CGAS: variants seen among roughly 807,000 people sequenced by gnomAD.
The protein encoded by CGAS is cyclic GMP-AMP synthase, also known as 2'3'-cGAMP synthase.
CGAS carries 31 observed loss-of-function variants against 34.0 expected under a neutral mutation model. The ratio of observed to expected loss-of-function variants is 0.91; its 90% CI spans 0.69 to 1.23. CGAS has a LOEUF of 1.23. CGAS is among the 50% of genes most tolerant of loss of function. CGAS has a pLI of 0.00. For synonymous variants in CGAS, 266 were observed against 260.0 expected (o/e 1.02, Z -0.22); for missense variants, 597 against 657.6 (o/e 0.91, Z 1.01).
chr6:73,437,450 C>T (rs934300431), intron 3 of CGAS, among the ~76,000 whole-genome samples: 2 of 151,158 alleles, frequency 1.3e-5, no homozygotes, highest in East Asian at 1.9e-4. Flanking sequence ...TTTTGGCAGG[C>T]GGGGTATAGA....
chr6:73,451,601 A>T lies in CGAS; in HGVS notation c.581T>A (p.Leu194Gln). The T allele has an allele frequency of 6.2e-7, 1 of 1,614,026 alleles. No homozygotes were observed. The highest frequency in any genetic ancestry group is 8.5e-7 in the Non-Finnish European group (1 of 1,179,978). Residue 194 changes from leucine to glutamine, a missense_variant, in exon 1 of 5, where the codon CTG becomes CAG. Leu to Gln is a moderately radical substitution (Grantham distance 113). Coordinates refer to ENST00000370315, the MANE Select transcript of CGAS (RefSeq NM_138441.3). ...GMVKGVVDHLLLRLKCDSAFR... is the reference protein window; with the variant it reads ...GMVKGVVDHLQLRLKCDSAFR... The stretch of plus-strand genomic sequence containing the variant: ...CGCGGAGTCGCACTTCAGTCTGAGC[A>T]GCAGGTGGTCCACAACCCCTTTCAC...
chr6:73,432,668 C>G (rs1386890292), intron 3 of CGAS, among the ~76,000 whole-genome samples: 1 of 151,998 alleles, frequency 6.6e-6, no homozygotes, highest in Non-Finnish European at 1.5e-5. Flanking sequence ...GTCACGTGGC[C>G]CAGGCTTGAA....
intron 3 of CGAS, among the ~76,000 whole-genome samples, chr6:73,432,047 C>T (rs927320907): frequency 6.6e-6 from 1 of 152,120 alleles, no homozygotes; most frequent in Non-Finnish European, 1.5e-5. Flanking sequence ...CCAGGCTGAT[C>T]TCAAACTCCT....
intron 3 of CGAS, among the ~76,000 whole-genome samples, chr6:73,433,263 GTT>G (rs1046347443): frequency 2.1e-5 from 3 of 143,968 alleles, no homozygotes. Flanking sequence ...TCTCTCCCAT[GTT>G]TTTTTTTTTT....
chr6:73,447,068 A>G (rs1270606167), intron 1 of CGAS, among the ~76,000 whole-genome samples: 1 of 152,222 alleles, frequency 6.6e-6, no homozygotes, highest in Admixed American at 6.5e-5. Context: ...AAAATAAATG[A>G]ATACATATTT....
Position 73,440,389 on chromosome 6 carries a change from TAAG to T in CGAS, c.931_933del (p.Leu311del). The stretch of plus-strand genomic sequence containing the variant: ...ATATCCACAGATATTTTTTCACTAA[TAAG>T]AAGTGTTACAGCAGGGCTCCCTCCT... On this transcript the variant is annotated inframe_deletion, in exon 3 of 5. Coordinates refer to ENST00000370315, the MANE Select transcript of CGAS (RefSeq NM_138441.3). The T allele has an allele frequency of 1.9e-6, 3 of 1,614,184 alleles. No individual in the cohort carries two copies. Among genetic ancestry groups the T allele is most frequent in the Non-Finnish European group, 1.7e-6 (2 of 1,180,038 alleles).
chr6:73,442,659 C>T lies in CGAS; in HGVS notation c.878-2214G>A, dbSNP rs185461895. ...TGTCGCTCAGGCTGGAGTGCAGTGG[C>T]GCAATCTCAGCTCACTGCAACCTCT... On this transcript the variant is annotated intron_variant, in intron 2 of 4. Coordinates refer to ENST00000370315, the MANE Select transcript of CGAS (RefSeq NM_138441.3). Among the ~76,000 whole-genome samples the T allele has an allele frequency of 1.9e-4, 27 of 145,394 alleles. 1 individual carries two copies. In the South Asian group the frequency reaches 3.2e-3, roughly 17 times the overall value.
intron 1 of CGAS, among the ~76,000 whole-genome samples, chr6:73,449,990 C>A (rs1391720209): frequency 6.9e-6 from 1 of 145,856 alleles, no homozygotes; most frequent in Non-Finnish European, 1.5e-5. Flanking sequence ...GAGTGAAACT[C>A]CATCAAAAAA....
At chr6:73,427,725 T>C (rs1770113803) in intron 4 of CGAS, among the ~76,000 whole-genome samples, 1 of 152,102 alleles carries the variant, frequency 6.6e-6, no homozygotes, top group South Asian at 2.1e-4. Flanking sequence ...TTCCAAGACT[T>C]TGGGAGGCCA....
At chr6:73,444,956 G>A (rs1156841430) in intron 2 of CGAS, among the ~76,000 whole-genome samples, 1 of 152,126 alleles carries the variant, frequency 6.6e-6, no homozygotes, top group Non-Finnish European at 1.5e-5. Context: ...GAGATGGGAA[G>A]GACTGAGGCA....
chr6:73,450,894 G>C (rs142724430), intron 1 of CGAS, among the ~76,000 whole-genome samples: 5,067 of 151,114 alleles, frequency 0.034, 292 homozygotes, highest in Admixed American at 0.15. Flanking sequence ...GGAAGCTGAG[G>C]CAGGAGAATG....
chr6:73,434,734 C>T (rs1036623388), intron 3 of CGAS, among the ~76,000 whole-genome samples: 2 of 151,910 alleles, frequency 1.3e-5, no homozygotes, highest in Admixed American at 6.6e-5. Flanking sequence ...TGCAACTCCA[C>T]CCACCAAGTT....
In CGAS at chr6:73,451,857, C is replaced by G; in HGVS notation, c.325G>C (p.Ala109Pro). 6.5e-7 allele frequency: 1 copy of G among 1,549,574 alleles called. No individual in the cohort carries two copies. Among genetic ancestry groups the G allele is most frequent in the Non-Finnish European group, 8.7e-7 (1 of 1,146,814 alleles). The change falls in exon 1 of 5, where the codon GCG becomes CCG. Residue 109 changes from alanine (A) to proline (P), a missense_variant. Physicochemically the swap from Ala to Pro is conservative, Grantham distance 27. Around this residue, in one of 3 missense-constraint regions of CGAS, gnomAD observed 321 missense variants for 314.3 expected, o/e 1.02. Transcript: ENST00000370315. ...APGAEGLEPP[A>P]AREPALSRAG... ...CTGGAAAGAGCCGGCTCCCGAGCCG[C>G]AGGAGGCTCCAGCCCCTCTGCCCCA...
At chr6:73,433,486 T>C (rs908473401) in intron 3 of CGAS, among the ~76,000 whole-genome samples, 1 of 146,324 alleles carries the variant, frequency 6.8e-6, no homozygotes, top group African/African-American at 2.5e-5. Flanking sequence ...TATAGAGAGT[T>C]TTTTTTTTTT....
intron 1 of CGAS, among the ~76,000 whole-genome samples, chr6:73,447,644 A>T (rs1770493175): frequency 6.6e-6 from 1 of 152,026 alleles, no homozygotes; most frequent in Non-Finnish European, 1.5e-5. Flanking sequence ...GTGGCTACTC[A>T]CAGATAGATC....
Position 73,425,251 on chromosome 6 carries a change from C to T in CGAS, c.1545G>A (p.Glu515=), listed in dbSNP as rs200618059. 105 of 1,587,396 alleles carry T rather than the reference C, an allele frequency of 6.6e-5. No individual in the cohort carries two copies. In the Middle Eastern group the frequency reaches 8.3e-4, roughly 13 times the overall value. ...TKQIEYERNN[E]FPVFDEF is the part of the protein sequence containing the mutation. Reference sequence around the variant, plus strand: ...CTCAAAATTCATCAAAAACTGGAAACTCATTGTTTCTTTCATATTCAATTT... The same window carrying T: ...CTCAAAATTCATCAAAAACTGGAAATTCATTGTTTCTTTCATATTCAATTT... The change falls in exon 5 of 5, where the codon GAG becomes GAA. Residue 515 remains glutamate, a synonymous_variant. Coordinates refer to ENST00000370315, the MANE Select transcript of CGAS (RefSeq NM_138441.3).
intron 3 of CGAS, among the ~76,000 whole-genome samples, chr6:73,439,241 C>G (rs2150813480): frequency 6.7e-6 from 1 of 149,428 alleles, no homozygotes; most frequent in East Asian, 1.9e-4. Context: ...TTTTTTTAGA[C>G]TAAATCACAA....
chr6:73,425,696 G>A (rs1212030211), intron 4 of CGAS, 118 bp from the exon 5 acceptor site: 18 of 669,014 alleles, frequency 2.7e-5, no homozygotes, highest in Non-Finnish European at 3.9e-5. Context: ...AATATAGGCC[G>A]GGCGTGGTGA....
In CGAS at chr6:73,440,234, A is replaced by T; in HGVS notation, c.1089T>A (p.His363Gln). The change falls in exon 3 of 5, where the codon CAT (histidine) becomes CAA (glutamine). Residue 363 changes from histidine to glutamine, a missense_variant. This residue lies in a region of CGAS where 271 missense variants were observed against 324.1 expected (regional missense o/e 0.84). Coordinates refer to ENST00000370315, the MANE Select transcript of CGAS (RefSeq NM_138441.3). ...CTTGGAAACCATTTCCTTCCTTTGC[A>T]TGCTTGGGTACAAGGTAAAATGGCT... ...RLKPFYLVPK[H>Q]AKEGNGFQEE... 6 of 1,612,560 alleles carry T rather than the reference A, an allele frequency of 3.7e-6. No homozygotes were observed. The highest frequency in any genetic ancestry group is 5.1e-6 in the Non-Finnish European group (6 of 1,179,356).
Sources: gnomAD v4.1 joint callset for allele counts (sites outside exome capture counted in the v4.1 genomes callset) on GRCh38, gnomAD v4.1.1 for gene constraint, gnomAD v4.1.1 regional missense constraint, MANE v1.5 for transcripts, NCBI Gene and HGNC (gene_info 2026-07-23, HGNC 2026-07-21) for gene names.